PTPRD: variants seen among roughly 807,000 people sequenced by gnomAD.
PTPRD encodes receptor-type tyrosine-protein phosphatase delta.
A neutral mutation model predicts 214.5 loss-of-function variants in PTPRD; 34 were observed. The observed-to-expected ratio is 0.16, with a 90% CI of 0.12 to 0.21. The LOEUF is 0.21. PTPRD is among the 10% of genes least tolerant of loss of function. PTPRD has a pLI of 1.00. For missense variants in PTPRD, 2,545 were observed against 2,398.7 expected, an observed-to-expected ratio of 1.06 and a Z score of -1.27; for synonymous variants, 1,128 against 845.7, an observed-to-expected ratio of 1.33 and a Z score of -5.79.
chr9:10,334,360 T>A (rs530872552), intron 3 of PTPRD, among the ~76,000 whole-genome samples: 1 of 151,846 alleles, frequency 6.6e-6, no homozygotes, highest in Non-Finnish European at 1.5e-5. Flanking sequence ...CCACTCATGA[T>A]AAAATCTCTC....
chr9:10,467,422 C>A (rs1222023118), intron 2 of PTPRD, among the ~76,000 whole-genome samples: 2 of 152,124 alleles, frequency 1.3e-5, no homozygotes, highest in Admixed American at 1.3e-4. Context: ...TCCTAAGAAT[C>A]TTCTCCACAA....
chr9:9,747,417 G>C (rs2098468765), intron 6 of PTPRD, among the ~76,000 whole-genome samples: 1 of 152,128 alleles, frequency 6.6e-6, no homozygotes, highest in Admixed American at 6.6e-5. Flanking sequence ...GAGTGTGTGA[G>C]CCATGCTACA....
chr9:10,228,839 C>T (rs1315301215), intron 3 of PTPRD, among the ~76,000 whole-genome samples: 1 of 150,954 alleles, frequency 6.6e-6, no homozygotes, highest in Non-Finnish European at 1.5e-5. Context: ...TTTATCTCTG[C>T]TTATAGATAT....
chr9:9,666,713 T>C (rs764399790), intron 7 of PTPRD, among the ~76,000 whole-genome samples: 131 of 152,074 alleles, frequency 8.6e-4, no homozygotes, highest in Non-Finnish European at 1.4e-3. Flanking sequence ...AGTTCCTTTA[T>C]TGTTGCATCT....
intron 4 of PTPRD, among the ~76,000 whole-genome samples, chr9:9,999,125 C>T (rs1234173916): frequency 6.6e-6 from 1 of 152,136 alleles, no homozygotes; most frequent in Non-Finnish European, 1.5e-5. Context: ...GTTTATTTAA[C>T]CCAGGAGATC....
chr9:8,489,649 T>C (rs1426936962), intron 27 of PTPRD, among the ~76,000 whole-genome samples: 3 of 152,086 alleles, frequency 2.0e-5, no homozygotes, highest in African/African-American at 7.2e-5. Context: ...AAACAGTAAA[T>C]GCAGTTTAAA....
intron 3 of PTPRD, among the ~76,000 whole-genome samples, chr9:10,336,607 G>C (rs1178561426): frequency 1.3e-5 from 2 of 151,566 alleles, no homozygotes; most frequent in Non-Finnish European, 3.0e-5. Flanking sequence ...AAAATCTCCA[G>C]TAGCCAAGAA....
At chr9:10,443,827 G>T (rs1219848450) in intron 2 of PTPRD, among the ~76,000 whole-genome samples, 1 of 148,442 alleles carries the variant, frequency 6.7e-6, no homozygotes, top group Non-Finnish European at 1.5e-5. Flanking sequence ...GGACTACACA[G>T]AGCTATTTAC....
intron 12 of PTPRD, among the ~76,000 whole-genome samples, chr9:8,726,641 A>C: frequency 1.4e-5 from 1 of 72,982 alleles, no homozygotes; most frequent in Non-Finnish European, 2.4e-5. Flanking sequence ...ATATATATAT[A>C]TATATATATG....
chr9:10,179,567 G>C (rs1003287076), intron 3 of PTPRD, among the ~76,000 whole-genome samples: 7 of 152,002 alleles, frequency 4.6e-5, no homozygotes, highest in African/African-American at 1.7e-4. Context: ...GTCAGACAGG[G>C]AAGTAAGTGC....
intron 2 of PTPRD, among the ~76,000 whole-genome samples, chr9:10,484,658 A>C (rs1324862537): frequency 6.6e-6 from 1 of 151,978 alleles, no homozygotes; most frequent in African/African-American, 2.4e-5. Flanking sequence ...GCACCTTTTC[A>C]TATGTCTGCC....
chr9:9,906,891 C>G (rs772792176), intron 5 of PTPRD, among the ~76,000 whole-genome samples: 1 of 151,928 alleles, frequency 6.6e-6, no homozygotes, highest in Non-Finnish European at 1.5e-5. Flanking sequence ...TGAGATCTGG[C>G]TCATAGAACT....
In PTPRD at chr9:10,008,672, C is replaced by T. The variant is rs565385238; in HGVS notation, c.-472+25046G>A. ...TTCAAGTGTCTGCTTCTGGTTTTTG[C>T]CAGAAGCTAAGCTTCCCAGTCTGCA... On this transcript the variant is annotated intron_variant, in intron 4 of 45. Coordinates refer to ENST00000381196, the MANE Select transcript of PTPRD (RefSeq NM_002839.4). 4.7e-4 allele frequency among the ~76,000 whole-genome samples: 71 copies of T among 151,766 alleles called. 1 individual carries two copies. The South Asian group carries it at 0.014, about 31-fold the overall frequency.
intron 10 of PTPRD, among the ~76,000 whole-genome samples, chr9:9,075,884 T>C (rs1055453264): frequency 6.6e-6 from 1 of 152,208 alleles, no homozygotes; most frequent in African/African-American, 2.4e-5. Flanking sequence ...TGTGCATGTG[T>C]CTTTATAGCA....
intron 3 of PTPRD, among the ~76,000 whole-genome samples, chr9:10,119,396 T>A (rs2098757158): frequency 6.6e-6 from 1 of 152,030 alleles, no homozygotes; most frequent in East Asian, 1.9e-4. Flanking sequence ...TTGAGAATCT[T>A]TTAAAAGGAT....
rs149726933 is a variant in PTPRD at position 8,504,334 on chromosome 9, G to C, written c.1749C>G (p.Phe583Leu). 21 of 1,614,012 alleles carry C rather than the reference G, an allele frequency of 1.3e-5. No homozygotes were observed. Among genetic ancestry groups the C allele is most frequent in the Admixed American group, 6.7e-5 (4 of 60,000 alleles). ...CTTGAGGGGAGCGTGCAGCCAGACGGAAATAGTATAAGCTGTTTGGTTTCA... is the reference window on the plus strand; with the variant it reads ...CTTGAGGGGAGCGTGCAGCCAGACGCAAATAGTATAAGCTGTTTGGTTTCA... ...QGLKPNSLYY[F>L]RLAARSPQGL... The change falls in exon 23 of 46, where the codon TTC (phenylalanine) becomes TTG (leucine). Residue 583 changes from phenylalanine to leucine, a missense_variant. By Grantham distance (22) the Phe-to-Leu change is conservative. Transcript: ENST00000381196.
chr9:9,508,130 T>C (rs2154240095), intron 8 of PTPRD, among the ~76,000 whole-genome samples: 1 of 151,710 alleles, frequency 6.6e-6, no homozygotes, highest in South Asian at 2.1e-4. Context: ...GTTGGTCTCT[T>C]GCTCTTCTTC....
At position 10,524,438 on chromosome 9, in the gene PTPRD, C is replaced by T. The variant is rs532980318; in HGVS notation, c.-600+87960G>A. 6.6e-5 allele frequency among the ~76,000 whole-genome samples: 10 copies of T among 151,926 alleles called. No individual in the cohort carries two copies. In the South Asian group the frequency reaches 2.1e-3, roughly 32 times the overall value. ...ACATACACACGCTAACATGGTATGT[C>T]TATGTATCTATAACTTAATAAAATA... On this transcript the variant is annotated intron_variant, in intron 2 of 45. Coordinates refer to ENST00000381196, the MANE Select transcript of PTPRD (RefSeq NM_002839.4).
At chr9:9,948,944 A>T (rs995472035) in intron 4 of PTPRD, among the ~76,000 whole-genome samples, 2 of 152,082 alleles carry the variant, frequency 1.3e-5, no homozygotes, top group Non-Finnish European at 2.9e-5. Context: ...AAATAAATTA[A>T]TATTACAGTG....
Sources: gnomAD v4.1 joint callset for allele counts (sites outside exome capture counted in the v4.1 genomes callset) on GRCh38, gnomAD v4.1.1 for gene constraint, MANE v1.5 for transcripts, NCBI Gene and HGNC (gene_info 2026-07-23, HGNC 2026-07-21) for gene names.